Variants in COL27A1 observed in about 807,000 individuals in gnomAD.
COL27A1 encodes the protein collagen type XXVII alpha 1 chain, also known as collagen alpha-1(XXVII) chain.
In COL27A1, 106 loss-of-function variants were observed where a neutral mutation model predicts 251.3. That is an observed-to-expected ratio of 0.42 (90% confidence interval 0.36 to 0.50). The LOEUF (loss-of-function observed/expected upper bound fraction) is 0.50. COL27A1 is among the 20% of genes least tolerant of loss of function. The pLI is 0.00. For missense variants in COL27A1, 2,325 were observed against 2,522.8 expected (o/e 0.92, Z 1.68); for synonymous variants, 1,000 against 986.3 (o/e 1.01, Z -0.26).
chr9:114,204,943 G>A (rs1297274109), intron 7 of COL27A1, among the ~76,000 whole-genome samples, 159 bp from the exon 8 acceptor site: 1 of 152,158 alleles, frequency 6.6e-6, no homozygotes, highest in Non-Finnish European at 1.5e-5. Flanking sequence ...CCCTCACATG[G>A]TATCTGCATC....
At chr9:114,243,206 G>A (rs558239397) in intron 22 of COL27A1, among the ~76,000 whole-genome samples, 9 of 152,278 alleles carry the variant, frequency 5.9e-5, no homozygotes, top group East Asian at 1.9e-4. Flanking sequence ...TGCACCCCCC[G>A]ATCATCTGCC....
chr9:114,269,634 A>AAAAAAAAAAAAAAAAAAAG (rs796293254), intron 35 of COL27A1, among the ~76,000 whole-genome samples: 1 of 114,350 alleles, frequency 8.7e-6, no homozygotes, highest in Non-Finnish European at 1.7e-5. Context: ...AAAAAAAAAA[A>AAAAAAAAAAAAAAAAAAAG]AAGAAGAAGA....
rs1283632250 is a variant in COL27A1, at chr9:114,168,715, C to T, written c.1160C>T (p.Pro387Leu). 1.9e-6 allele frequency: 3 copies of T among 1,614,080 alleles called. No homozygotes were observed. Among genetic ancestry groups the T allele is most frequent in the South Asian group, 2.2e-5 (2 of 91,088 alleles). The part of the protein sequence containing the change: ...TSIVPIKSPH[P>L]TQKTAPSSFT... The stretch of plus-strand genomic sequence containing the variant: ...ATTGTGCCCATCAAAAGCCCCCATC[C>T]TACCCAGAAAACAGCTCCATCTTCA... Residue 387 changes from proline to leucine, a missense_variant, in exon 3 of 61, where the codon CCT becomes CTT. By Grantham distance (98) the Pro-to-Leu change is moderately conservative. Around this residue, in one of 4 missense-constraint regions of COL27A1, gnomAD observed 1,183 missense variants for 1,144.1 expected, o/e 1.03. Transcript: ENST00000356083.
intron 2 of COL27A1, among the ~76,000 whole-genome samples, chr9:114,166,004 T>C (rs938324120): frequency 6.6e-6 from 1 of 151,262 alleles, no homozygotes; most frequent in African/African-American, 2.4e-5. Flanking sequence ...CATTCATCCA[T>C]CCATTTATCC....
chr9:114,291,199 A>G (rs188517030), intron 48 of COL27A1, among the ~76,000 whole-genome samples: 83 of 152,220 alleles, frequency 5.5e-4, no homozygotes, highest in Admixed American at 1.0e-3. Flanking sequence ...ACATTTGTGG[A>G]ACAACACGTT....
Position 114,290,711 on chromosome 9 carries a change from C to T in COL27A1, c.4369-99C>T. 1 of 885,260 alleles carries T rather than the reference C, an allele frequency of 1.1e-6. No homozygotes were observed. Among genetic ancestry groups the T allele is most frequent in the Non-Finnish European group, 1.7e-6 (1 of 578,184 alleles). 54.8% of individuals were successfully genotyped at this position (885,260 alleles called of 1,614,324 possible). On this transcript the variant is annotated intron_variant, in intron 47 of 60. Transcript: ENST00000356083. The surrounding 1 kb of genome is among the most constrained non-coding windows in gnomAD (Gnocchi z 4.6). The stretch of plus-strand genomic sequence containing the variant: ...CTCCATCCTGGAGTGTGACCCCTTC[C>T]TCCAGCTTCACCCAGGGTTTGCCCA...
At chr9:114,267,442 C>T (rs1834822576) in intron 33 of COL27A1, 62 bp from the exon 34 acceptor site, 3 of 1,466,790 alleles carry the variant, frequency 2.0e-6, no homozygotes, top group South Asian at 2.4e-5. Context: ...CTCAGTTACC[C>T]CCTTGCTTAC....
chr9:114,278,944 T>C (rs1490545049), intron 37 of COL27A1, among the ~76,000 whole-genome samples: 1 of 152,140 alleles, frequency 6.6e-6, no homozygotes, highest in Non-Finnish European at 1.5e-5. Context: ...GAAATATTCA[T>C]TCCGGACCCA....
chr9:114,288,392 C>T (rs77151544), intron 41 of COL27A1, 63 bp from the exon 42 acceptor site: 17,965 of 1,541,370 alleles, frequency 0.012, 168 homozygotes, highest in Non-Finnish European at 0.013. Context: ...CGCTTTCCGT[C>T]TGGAATTCCC....
intron 37 of COL27A1, among the ~76,000 whole-genome samples, chr9:114,278,201 T>C (rs904838198): frequency 2.0e-5 from 3 of 149,232 alleles, no homozygotes; most frequent in Non-Finnish European, 3.0e-5. Context: ...ATGGTAGTGG[T>C]GGTAATGACG....
At chr9:114,233,085 C>A (rs867018496) in intron 16 of COL27A1, among the ~76,000 whole-genome samples, 1 of 152,136 alleles carries the variant, frequency 6.6e-6, no homozygotes, top group Non-Finnish European at 1.5e-5. Context: ...AAGAAGCTTG[C>A]CTGAGGCCAC....
Position 114,290,983 on chromosome 9 carries a change from T to C in COL27A1, c.4476+66T>C. On this transcript the variant is annotated intron_variant, in intron 48 of 60. Transcript: ENST00000356083. This position sits in a 1 kb window ranked among gnomAD's most constrained non-coding sequence, Gnocchi z 4.6. Reference sequence around the variant, plus strand: ...TCTGCCTTGATGCAGACTCTAGTGGTTCCGACCCTTTGGGCACCCATGTCC... The same window carrying C: ...TCTGCCTTGATGCAGACTCTAGTGGCTCCGACCCTTTGGGCACCCATGTCC... The C allele has an allele frequency of 8.1e-7, 1 of 1,229,668 alleles. No homozygotes were observed. Among genetic ancestry groups the C allele is most frequent in the East Asian group, 2.6e-5 (1 of 38,800 alleles). 76.2% of individuals were successfully genotyped at this position (1,229,668 alleles called of 1,614,324 possible).
chr9:114,250,475 T>C, intron 24 of COL27A1, 140 bp from the exon 25 acceptor site: 2 of 715,150 alleles, frequency 2.8e-6, no homozygotes, highest in South Asian at 3.3e-5. Context: ...GGCAGCGCTC[T>C]CCCCGGCACA....
At chr9:114,190,495 T>C (rs1828681832) in intron 5 of COL27A1, among the ~76,000 whole-genome samples, 1 of 152,176 alleles carries the variant, frequency 6.6e-6, no homozygotes, top group African/African-American at 2.4e-5. Context: ...CCAGAACTCC[T>C]GGGCTCAAGT....
rs200891723 is a variant in COL27A1, at chr9:114,169,208, C to A, written c.1653C>A (p.Pro551=). The A allele has an allele frequency of 1.9e-6, 3 of 1,614,118 alleles. No homozygotes were observed. The Admixed American group carries it at 5.0e-5, about 27-fold the overall frequency. The change falls in exon 3 of 61, where the codon CCC becomes CCA. Residue 551 remains proline (P), a synonymous_variant. Coordinates refer to ENST00000356083, the MANE Select transcript of COL27A1 (RefSeq NM_032888.4). ...ASKKAGPKSS[P]RKPVPLRPGK... ...AGAAAGCCGGACCCAAGAGCAGCCC[C>A]CGGAAGCCTGTCCCCCTCAGACCTG...
intron 57 of COL27A1, 134 bp downstream of exon 57, chr9:114,304,807 G>C (rs757809961): frequency 1.4e-6 from 1 of 733,406 alleles, no homozygotes. Context: ...GTGGCATCTC[G>C]CATCCACAAA....
Position 114,195,944 on chromosome 9 carries a change from G to T in COL27A1, c.2071-15G>T. 1 of 1,609,024 alleles carries T rather than the reference G, an allele frequency of 6.2e-7. No individual in the cohort carries two copies. Among genetic ancestry groups the T allele is most frequent in the African/African-American group, 1.3e-5 (1 of 74,986 alleles). ...CCCGTTTTCCTGCCTCACCCACCTT[G>T]TCTGTGTCTTCCAGGGTGACATGGG... On this transcript the variant is annotated splice_polypyrimidine_tract_variant and intron_variant, in intron 6 of 60. Transcript: ENST00000356083.
In COL27A1 at chr9:114,167,846, G is replaced by C. The variant is rs1342401146; in HGVS notation, c.291G>C (p.Glu97Asp). The C allele has an allele frequency of 6.2e-7, 1 of 1,613,552 alleles. No individual in the cohort carries two copies. The highest frequency in any genetic ancestry group is 1.1e-5 in the South Asian group (1 of 91,082). Reference protein sequence around the residue: ...GTVIPAALGTELALVLSLCSH... With the variant: ...GTVIPAALGTDLALVLSLCSH... ...TCATTCCTGCCGCCTTGGGCACAGA[G>C]CTGGCACTGGTGCTGAGCCTCTGCT... Residue 97 changes from glutamate (E) to aspartate (D), a missense_variant, in exon 3 of 61, where the codon GAG becomes GAC. This residue lies in a region of COL27A1 where 1,183 missense variants were observed against 1,144.1 expected (regional missense o/e 1.03). Transcript: ENST00000356083.
intron 42 of COL27A1, 43 bp from the exon 43 acceptor site, chr9:114,288,659 G>A (rs1827684954): frequency 2.5e-6 from 4 of 1,594,222 alleles, no homozygotes; most frequent in Non-Finnish European, 3.4e-6. Flanking sequence ...TGGCATCCTT[G>A]GCACCTGGTG....
Sources: allele counts gnomAD v4.1 joint callset (sites outside exome capture counted in the v4.1 genomes callset), GRCh38; gene constraint gnomAD v4.1.1; regional missense constraint gnomAD v4.1.1; non-coding constraint Gnocchi (gnomAD v3.1); transcripts MANE v1.5; gene names NCBI Gene and HGNC (gene_info 2026-07-23, HGNC 2026-07-21).